ZBTB7C: variants seen among roughly 807,000 people sequenced by gnomAD.
ZBTB7C encodes the protein zinc finger and BTB domain-containing protein 7C.
In ZBTB7C, 8 loss-of-function variants were observed where a neutral mutation model predicts 25.7. The observed-to-expected ratio is 0.31, with a 90% CI of 0.18 to 0.56. The LOEUF is 0.56. ZBTB7C is among the 20% of genes least tolerant of loss of function. The pLI is 0.91. For missense variants in ZBTB7C, 824 were observed against 855.2 expected, an observed-to-expected ratio of 0.96 and a Z score of 0.46; for synonymous variants, 394 against 369.0, an observed-to-expected ratio of 1.07 and a Z score of -0.78.
chr18:48,076,025 C>T (rs149837634), intron 3 of ZBTB7C, among the ~76,000 whole-genome samples: 126 of 152,378 alleles, frequency 8.3e-4, no homozygotes, highest in African/African-American at 3.0e-3. Flanking sequence ...TGTTCCTCCC[C>T]AGCGCCTGCT....
chr18:48,120,156 A>G (rs192630127), intron 3 of ZBTB7C, among the ~76,000 whole-genome samples: 3 of 152,292 alleles, frequency 2.0e-5, no homozygotes, highest in Admixed American at 2.0e-4. Flanking sequence ...ATCTAATTAC[A>G]AGGGGGAACC....
intron 2 of ZBTB7C, among the ~76,000 whole-genome samples, chr18:48,317,131 G>C (rs570077792): frequency 6.6e-6 from 1 of 152,222 alleles, no homozygotes; most frequent in Admixed American, 6.5e-5. Flanking sequence ...AAATCAGCCA[G>C]GTGTGATGGT....
chr18:48,350,152 CACA>C lies in ZBTB7C; in HGVS notation c.-303-11757_-303-11755del, dbSNP rs1228164343. Among the ~76,000 whole-genome samples, 12 of 152,328 alleles carry C rather than the reference CACA, an allele frequency of 7.9e-5. No homozygotes were observed. The South Asian group carries it at 2.1e-3, about 26-fold the overall frequency. ...AAATGGCCACACCCTTAGTGGTTTA[CACA>C]ACATGAATTCATTATCTTACAGTTC... On this transcript the variant is annotated intron_variant, in intron 1 of 4. Transcript: ENST00000590800.
chr18:48,095,093 G>A (rs1391833034), intron 3 of ZBTB7C, among the ~76,000 whole-genome samples: 1 of 152,136 alleles, frequency 6.6e-6, no homozygotes, highest in Non-Finnish European at 1.5e-5. Flanking sequence ...GTAGTAACCA[G>A]GTGGGAATTT....
intron 1 of ZBTB7C, among the ~76,000 whole-genome samples, chr18:48,383,562 C>T (rs1441448926): frequency 1.3e-5 from 2 of 152,184 alleles, no homozygotes; most frequent in Non-Finnish European, 2.9e-5. Context: ...GCTACCGTGC[C>T]TGGCCAAGTG....
chr18:48,293,934 A>C (rs1265976113), intron 2 of ZBTB7C, among the ~76,000 whole-genome samples: 1 of 152,230 alleles, frequency 6.6e-6, no homozygotes, highest in African/African-American at 2.4e-5. Context: ...CCTTTTGTTT[A>C]AACTTCACCT....
chr18:48,333,335 C>T (rs2046383671), intron 2 of ZBTB7C, among the ~76,000 whole-genome samples: 1 of 152,164 alleles, frequency 6.6e-6, no homozygotes, highest in Non-Finnish European at 1.5e-5. Context: ...TATACACTGC[C>T]AGACTCGGTG....
chr18:48,402,625 G>C lies in ZBTB7C; in HGVS notation c.-304+6601C>G, dbSNP rs980405564. On this transcript the variant is annotated intron_variant, in intron 1 of 4. Coordinates refer to ENST00000590800, the MANE Select transcript of ZBTB7C (RefSeq NM_001318841.2). The stretch of plus-strand genomic sequence containing the variant: ...TGTCAGTGATTCACAGTGGCAACAT[G>C]AGTATCAGGCTCTCAAGAGAAAGGA... Among the ~76,000 whole-genome samples the C allele has an allele frequency of 2.0e-5, 3 of 152,238 alleles. No homozygotes were observed. In the South Asian group the frequency reaches 6.2e-4, roughly 32 times the overall value.
chr18:48,108,883 T>C (rs186062179), intron 3 of ZBTB7C, among the ~76,000 whole-genome samples: 1 of 152,236 alleles, frequency 6.6e-6, no homozygotes, highest in East Asian at 1.9e-4. Flanking sequence ...ACTTGCTCCT[T>C]TATATGGAAT....
chr18:48,329,429 C>T (rs984869938), intron 2 of ZBTB7C, among the ~76,000 whole-genome samples: 1 of 152,174 alleles, frequency 6.6e-6, no homozygotes, highest in Non-Finnish European at 1.5e-5. Context: ...GCTGTTGCCC[C>T]CATGCCACAC....
chr18:48,372,445 G>A lies in ZBTB7C; in HGVS notation c.-303-34047C>T, dbSNP rs1018615406. Among the ~76,000 whole-genome samples, 27 of 152,310 alleles carry A rather than the reference G, an allele frequency of 1.8e-4. No homozygotes were observed. The South Asian group carries it at 3.1e-3, about 18-fold the overall frequency. ...ATGAGTGGAACCGTGTCACTTCCGC[G>A]CTGAGGGAGTTAAAAGCTGATGTGA... is the stretch of plus-strand genomic sequence containing the variant. On this transcript the variant is annotated intron_variant, in intron 1 of 4. Transcript: ENST00000590800.
At chr18:48,167,595 T>TGTGTGTGTGTGTGTGTGTGTGC (rs1482842757) in intron 3 of ZBTB7C, among the ~76,000 whole-genome samples, 1 of 150,190 alleles carries the variant, frequency 6.7e-6, no homozygotes, top group African/African-American at 2.5e-5. Flanking sequence ...TGTGTGTGTG[T>TGTGTGTGTGTGTGTGTGTGTGC]GTGCGCGCGT....
At chr18:48,296,684 T>A (rs959254356) in intron 2 of ZBTB7C, among the ~76,000 whole-genome samples, 11 of 152,278 alleles carry the variant, frequency 7.2e-5, no homozygotes, top group Admixed American at 3.3e-4. Flanking sequence ...TGAGTCTGTC[T>A]AGAGCAGGGG....
intron 2 of ZBTB7C, among the ~76,000 whole-genome samples, chr18:48,245,595 A>G (rs1221618539): frequency 1.3e-5 from 2 of 152,182 alleles, no homozygotes; most frequent in Non-Finnish European, 2.9e-5. Flanking sequence ...AAGTATCTCA[A>G]GCATCTTTTT....
intron 1 of ZBTB7C, among the ~76,000 whole-genome samples, chr18:48,385,804 C>T (rs1028136529): frequency 1.3e-5 from 2 of 152,158 alleles, no homozygotes; most frequent in Admixed American, 6.5e-5. Context: ...TCTCACTCCT[C>T]GCCAGCCCAC....
intron 3 of ZBTB7C, among the ~76,000 whole-genome samples, chr18:48,182,156 AT>A (rs2041943066): frequency 6.6e-6 from 1 of 151,978 alleles, no homozygotes. Context: ...CAAGATAATG[AT>A]TCTACTTCTT....
intron 2 of ZBTB7C, among the ~76,000 whole-genome samples, chr18:48,287,908 T>C (rs1012330484): frequency 6.6e-6 from 1 of 152,184 alleles, no homozygotes; most frequent in African/African-American, 2.4e-5. Context: ...TGAATGGAAC[T>C]TCCCTGACTT....
intron 2 of ZBTB7C, among the ~76,000 whole-genome samples, chr18:48,324,500 A>G (rs1194983440): frequency 2.6e-5 from 4 of 151,888 alleles, no homozygotes; most frequent in Admixed American, 2.6e-4. Context: ...TATGGTCTGA[A>G]TGTGTGGATA....
chr18:48,208,603 A>G (rs1481698382), intron 2 of ZBTB7C, among the ~76,000 whole-genome samples: 1 of 151,950 alleles, frequency 6.6e-6, no homozygotes, highest in African/African-American at 2.4e-5. Flanking sequence ...GCTCCTTAAG[A>G]TTTCCACCCA....
Sources: gnomAD v4.1 joint callset for allele counts (sites outside exome capture counted in the v4.1 genomes callset) on GRCh38, gnomAD v4.1.1 for gene constraint, MANE v1.5 for transcripts, NCBI Gene and HGNC (gene_info 2026-07-23, HGNC 2026-07-21) for gene names.